Variants in MZF1 observed in about 807,000 individuals in gnomAD.
The protein encoded by MZF1 is zinc finger and SCAN domain-containing protein 6.
A neutral mutation model predicts 28.6 loss-of-function variants in MZF1; 24 were observed. The observed-to-expected ratio is 0.84, with a 90% CI of 0.61 to 1.18. The LOEUF (loss-of-function observed/expected upper bound fraction) is 1.18. MZF1 is among the 50% of genes most tolerant of loss of function. MZF1 has a pLI of 0.00. For missense variants in MZF1, 1,166 were observed against 1,026.4 expected, an observed-to-expected ratio of 1.14 and a Z score of -1.86; for synonymous variants, 516 against 432.5, an observed-to-expected ratio of 1.19 and a Z score of -2.40.
chr19:58,570,244 A>G (rs2054132680), intron 3 of MZF1, 100 bp downstream of exon 3: 1 of 1,293,436 alleles, frequency 7.7e-7, no homozygotes, highest in African/African-American at 1.5e-5. Flanking sequence ...CATTCCATTT[A>G]TAACAAACCT....
At position 58,563,242 on chromosome 19, in the gene MZF1, G is replaced by A. The variant is rs375810541; in HGVS notation, c.1035C>T (p.Arg345=). 1.9e-6 allele frequency: 3 copies of A among 1,608,634 alleles called. No homozygotes were observed. The African/African-American group carries it at 4.0e-5, about 21-fold the overall frequency. Residue 345 remains arginine (R), a synonymous_variant, in exon 6 of 6, where the codon CGC becomes CGT. Coordinates refer to ENST00000215057, the MANE Select transcript of MZF1 (RefSeq NM_198055.2). ...TAACCACCCCGCCCCCAGTGCTGGGGCGGCCCCGGCTCCGGCCCCTGGGGG... is the reference window on the plus strand; with the variant it reads ...TAACCACCCCGCCCCCAGTGCTGGGACGGCCCCGGCTCCGGCCCCTGGGGG... The part of the protein sequence containing the change: ...WRSPRGRSRG[R]PSTGGGVVRG...
rs1180839605 is a variant in MZF1 at position 58,562,074 on chromosome 19, A to C, written c.2203T>G (p.Ter735GluextTer42). 6.4e-7 allele frequency: 1 copy of C among 1,556,828 alleles called. No individual in the cohort carries two copies. The highest frequency in any genetic ancestry group is 8.7e-7 in the Non-Finnish European group (1 of 1,152,246). Residue 735 changes from the stop codon to glutamate, a stop_lost, in exon 6 of 6, where the codon TAG becomes GAG. Transcript: ENST00000215057. ...GACACAGTGCGTCCCGGCTGGAGCT[A>C]CTCGGCGCTGTGGACGCGCTGGTGC... Reference protein sequence around the residue: ...IQHQRVHSAE* With the variant: ...IQHQRVHSAEE
chr19:58,562,224 C>G lies in MZF1; in HGVS notation c.2053G>C (p.Glu685Gln), dbSNP rs756827802. 3 of 1,608,646 alleles carry G rather than the reference C, an allele frequency of 1.9e-6. No individual in the cohort carries two copies. The highest frequency in any genetic ancestry group is 2.2e-5 in the East Asian group (1 of 44,782). ...HTGERPYACP[E>Q]CGKAFRQRPT... Reference sequence around the variant, plus strand: ...CGCTGGCGGAAGGCCTTGCCACACTCAGGGCATGCGTAGGGCCGTTCACCC... The same window carrying G: ...CGCTGGCGGAAGGCCTTGCCACACTGAGGGCATGCGTAGGGCCGTTCACCC... Residue 685 changes from glutamate to glutamine, a missense_variant, in exon 6 of 6, where the codon GAG becomes CAG. By Grantham distance (29) the Glu-to-Gln change is conservative. Transcript: ENST00000215057.
At position 58,562,721 on chromosome 19, in the gene MZF1, CCGCACTCGA is replaced by C. The variant is rs1485881819; in HGVS notation, c.1547_1555del (p.Val516_Cys518del). The C allele has an allele frequency of 6.5e-7, 1 of 1,535,958 alleles. No homozygotes were observed. The highest frequency in any genetic ancestry group is 8.7e-7 in the Non-Finnish European group (1 of 1,147,312). On this transcript the variant is annotated inframe_deletion, in exon 6 of 6. Transcript: ENST00000215057. ...CACTGAGCGGCGGCCGAAGCGCTCG[CCGCACTCGA>C]CGCAGCCAAAGGACTTGTCGCCCGT... is the stretch of plus-strand genomic sequence containing the variant.
chr19:58,571,000 C>G lies in MZF1; in HGVS notation c.390G>C (p.Arg130=). The G allele has an allele frequency of 6.2e-7, 1 of 1,605,042 alleles. No individual in the cohort carries two copies. The highest frequency in any genetic ancestry group is 1.1e-5 in the South Asian group (1 of 90,326). ...CTCGTGGACACTCACTCACCCATCT[C>G]CGGGGTCCGCCCGGCTCCCGGCGCA... ...DGLRREPGGP[R]RWVTVQVQGQ... is the part of the protein sequence containing the mutation. Residue 130 remains arginine, a synonymous_variant, in exon 2 of 6, where the codon CGG becomes CGC. Coordinates refer to ENST00000215057, the MANE Select transcript of MZF1 (RefSeq NM_198055.2).
Position 58,563,342 on chromosome 19 carries a change from C to T in MZF1, c.935G>A (p.Arg312Lys). The T allele has an allele frequency of 1.2e-6, 2 of 1,608,668 alleles. No individual in the cohort carries two copies. The highest frequency in any genetic ancestry group is 1.7e-6 in the Non-Finnish European group (2 of 1,177,832). ...CTCGTCCGTGGGGTCCTGTTCACTCCTCAGATCGCTGGGGAGCAGAAGCGC... is the reference window on the plus strand; with the variant it reads ...CTCGTCCGTGGGGTCCTGTTCACTCTTCAGATCGCTGGGGAGCAGAAGCGC... ...AHALLLPSDL[R>K]SEQDPTDEDP... Residue 312 changes from arginine (R) to lysine (K), a missense_variant, in exon 6 of 6, where the codon AGG becomes AAG. Transcript: ENST00000215057.
intron 3 of MZF1, chr19:58,570,062 C>A: frequency 2.6e-6 from 1 of 382,602 alleles, no homozygotes; most frequent in Middle Eastern, 6.7e-4. Context: ...GGGGACTGAA[C>A]ACCACATGCC....
rs763189383 is a variant in MZF1 at position 58,571,107 on chromosome 19, C to A, written c.283G>T (p.Ala95Ser). ...CGGGCCTGGATCTCAGGGGGCAGTG[C>A]GCCCAGGAACTGCTCCAGCACCAAC... Reference protein sequence around the residue: ...ELLVLEQFLGALPPEIQARVQ... With the variant: ...ELLVLEQFLGSLPPEIQARVQ... The change falls in exon 2 of 6, where the codon GCA becomes TCA. Residue 95 changes from alanine to serine, a missense_variant. Ala to Ser is a moderately conservative substitution (Grantham distance 99, BLOSUM62 1). Coordinates refer to ENST00000215057, the MANE Select transcript of MZF1 (RefSeq NM_198055.2). 2.5e-6 allele frequency: 4 copies of A among 1,613,950 alleles called. No individual in the cohort carries two copies. The South Asian group carries it at 3.3e-5, about 13-fold the overall frequency.
In MZF1 at chr19:58,562,164, G is replaced by T. The variant is rs138274172; in HGVS notation, c.2113C>A (p.Arg705=). The change falls in exon 6 of 6, where the codon CGA becomes AGA. Residue 705 remains arginine (R), a synonymous_variant. Transcript: ENST00000215057. The part of the protein sequence containing the change: ...TLTQHLRTHR[R]EKPFACQDCG... ...TCCTGGCAGGCGAAGGGCTTCTCTC[G>T]TCGGTGGGTGCGCAGATGCTGCGTG... 166 of 1,596,350 alleles carry T rather than the reference G, an allele frequency of 1.0e-4. 2 individuals are homozygous for T. Among genetic ancestry groups the T allele is most frequent in the Admixed American group, 2.1e-4 (12 of 56,988 alleles).
intron 5 of MZF1, among the ~76,000 whole-genome samples, chr19:58,564,933 T>G (rs2054017261): frequency 7.5e-6 from 1 of 133,386 alleles, no homozygotes; most frequent in Non-Finnish European, 1.5e-5. Context: ...TTTTTTTTTT[T>G]TTTTTGAGAC....
chr19:58,567,881 C>T (rs996052986), intron 5 of MZF1, among the ~76,000 whole-genome samples: 1 of 152,042 alleles, frequency 6.6e-6, no homozygotes, highest in African/African-American at 2.4e-5. Flanking sequence ...AATGAAAGAA[C>T]AACAGGAGAC....
chr19:58,563,632 A>G (rs2053982962), intron 5 of MZF1, 128 bp from the exon 6 acceptor site: 1 of 701,664 alleles, frequency 1.4e-6, no homozygotes, highest in Non-Finnish European at 2.3e-6. Flanking sequence ...GGAGGCGACA[A>G]ATGCAGGGGT....
At position 58,562,733 on chromosome 19, in the gene MZF1, C is replaced by T; in HGVS notation, c.1544G>A (p.Cys515Tyr). ...GCCGAAGCGCTCGCCGCACTCGACG[C>T]AGCCAAAGGACTTGTCGCCCGTGTG... ...AVHTGDKSFG[C>Y]VECGERFGRR... The change falls in exon 6 of 6, where the codon TGC (cysteine) becomes TAC (tyrosine). Residue 515 changes from cysteine (C) to tyrosine (Y), a missense_variant. Cys to Tyr is a radical substitution (Grantham distance 194). Transcript: ENST00000215057. 6.5e-7 allele frequency: 1 copy of T among 1,536,282 alleles called. No individual in the cohort carries two copies. Among genetic ancestry groups the T allele is most frequent in the Non-Finnish European group, 8.7e-7 (1 of 1,147,376 alleles).
intron 5 of MZF1, among the ~76,000 whole-genome samples, chr19:58,566,012 G>C (rs1374084849): frequency 1.3e-5 from 2 of 151,026 alleles, no homozygotes; most frequent in Non-Finnish European, 3.0e-5. Flanking sequence ...GTGGTGGCCG[G>C]CGCCTGTAGT....
At chr19:58,570,682 C>T (rs887768834) in intron 2 of MZF1, 155 bp from the exon 3 acceptor site, 18 of 828,262 alleles carry the variant, frequency 2.2e-5, no homozygotes, top group African/African-American at 1.9e-4. Flanking sequence ...CCCCTAGGCC[C>T]TGAGCAAAGA....
rs1568678158 is a variant in MZF1 at position 58,563,329 on chromosome 19, G to GTCC, written c.945_947dup (p.Gln315_Asp316insGlu). ...CCCGGCAGGGATCCTCGTCCGTGGG[G>GTCC]TCCTGTTCACTCCTCAGATCGCTGG... On this transcript the variant is annotated inframe_insertion, in exon 6 of 6. Transcript: ENST00000215057. 19 of 1,609,098 alleles carry GTCC rather than the reference G, an allele frequency of 1.2e-5. No individual in the cohort carries two copies. Among genetic ancestry groups the GTCC allele is most frequent in the Non-Finnish European group, 1.6e-5 (19 of 1,178,204 alleles).
Position 58,562,047 on chromosome 19 carries a change from C to T in MZF1, c.*25G>A, listed in dbSNP as rs925507182. 9 of 1,541,812 alleles carry T rather than the reference C, an allele frequency of 5.8e-6. No individual in the cohort carries two copies. The highest frequency in any genetic ancestry group is 1.4e-5 in the African/African-American group (1 of 73,044). On this transcript the variant is annotated 3_prime_UTR_variant, in exon 6 of 6. Transcript: ENST00000215057. ...GGGGAGGTAGGTGTTCTGACCATGG[C>T]GGACACAGTGCGTCCCGGCTGGAGC...
chr19:58,573,062 C>T lies in MZF1; in HGVS notation c.-48G>A, dbSNP rs1406257695. The T allele has an allele frequency of 1.3e-5, 2 of 156,036 alleles. No individual in the cohort carries two copies. The highest frequency in any genetic ancestry group is 2.9e-5 in the Non-Finnish European group (2 of 69,366). 9.7% of individuals were successfully genotyped at this position (156,036 alleles called of 1,614,324 possible). A position where few individuals can be genotyped will look rare whatever the true frequency, so the allele number is the denominator to read the frequency against. Reference sequence around the variant, plus strand: ...AGAGGACCCCGCCCTCACCTCTGCGCTCAGCGGGCCGCTCCGCGCTCCTGA... The same window carrying T: ...AGAGGACCCCGCCCTCACCTCTGCGTTCAGCGGGCCGCTCCGCGCTCCTGA... On this transcript the variant is annotated 5_prime_UTR_variant, in exon 1 of 6. Transcript: ENST00000215057.
At chr19:58,566,636 G>C (rs2054062994) in intron 5 of MZF1, among the ~76,000 whole-genome samples, 1 of 152,066 alleles carries the variant, frequency 6.6e-6, no homozygotes, top group Admixed American at 6.5e-5. Flanking sequence ...CCTAACATAT[G>C]AATGTATTAG....
Sources: gnomAD v4.1 joint callset for allele counts (sites outside exome capture counted in the v4.1 genomes callset) on GRCh38, gnomAD v4.1.1 for gene constraint, MANE v1.5 for transcripts, NCBI Gene and HGNC (gene_info 2026-07-23, HGNC 2026-07-21) for gene names.